CNTN4: variants seen among roughly 807,000 people sequenced by gnomAD.
The protein encoded by CNTN4 is contactin 4, also known as contactin-4.
In CNTN4, 77 loss-of-function variants were observed where a neutral mutation model predicts 122.5. The observed-to-expected ratio is 0.63, with a 90% CI of 0.52 to 0.76. CNTN4 has a LOEUF of 0.76. CNTN4 is among the 30% of genes least tolerant of loss of function. The pLI is 0.00. For missense variants in CNTN4, 1,256 were observed against 1,259.1 expected, an observed-to-expected ratio of 1.00 and a Z score of 0.04; for synonymous variants, 512 against 447.0, an observed-to-expected ratio of 1.15 and a Z score of -1.83.
At chr3:2,515,197 T>C (rs2077005687) in intron 3 of CNTN4, among the ~76,000 whole-genome samples, 1 of 152,334 alleles carries the variant, frequency 6.6e-6, no homozygotes, top group Middle Eastern at 3.4e-3. Context: ...TAGGCATGTA[T>C]GTGCAGCAGG....
At chr3:3,035,273 A>C (rs1196125890) in intron 17 of CNTN4, among the ~76,000 whole-genome samples, 1 of 144,864 alleles carries the variant, frequency 6.9e-6, no homozygotes, top group Non-Finnish European at 1.5e-5. Flanking sequence ...ACACCACTGA[A>C]CTCCAGCCTG....
chr3:2,698,249 T>A (rs964515865), intron 4 of CNTN4, among the ~76,000 whole-genome samples: 1 of 152,224 alleles, frequency 6.6e-6, no homozygotes, highest in Non-Finnish European at 1.5e-5. Context: ...CTTTTATGGC[T>A]ATGAGAAAAT....
At chr3:2,215,272 C>A (rs2038789609) in intron 2 of CNTN4, among the ~76,000 whole-genome samples, 1 of 152,126 alleles carries the variant, frequency 6.6e-6, no homozygotes, top group South Asian at 2.1e-4. Flanking sequence ...GGCTGCTGGC[C>A]TGCTTCCCCC....
rs188128026 is a variant in CNTN4, at chr3:2,275,325, A to G, written c.-144-63853A>G. ...ATGACCAAATTCCAATACCACATGG[A>G]GAATACGTGATTTATGTGCTAATTG... On this transcript the variant is annotated intron_variant, in intron 2 of 24. Transcript: ENST00000418658. 1.6e-4 allele frequency among the ~76,000 whole-genome samples: 25 copies of G among 152,290 alleles called. No individual in the cohort carries two copies. The East Asian group carries it at 3.3e-3, about 20-fold the overall frequency.
intron 6 of CNTN4, among the ~76,000 whole-genome samples, chr3:2,770,518 A>G (rs1454879632): frequency 6.6e-6 from 1 of 152,238 alleles, no homozygotes; most frequent in Non-Finnish European, 1.5e-5. Context: ...GCTCTACCAA[A>G]GAAAAGGTAT....
At chr3:2,721,794 A>G (rs2087871652) in intron 4 of CNTN4, among the ~76,000 whole-genome samples, 2 of 152,138 alleles carry the variant, frequency 1.3e-5, no homozygotes, top group Admixed American at 6.5e-5. Flanking sequence ...TCTATTTGCT[A>G]TGGTCTGAAA....
intron 2 of CNTN4, among the ~76,000 whole-genome samples, chr3:2,216,792 C>T (rs927246976): frequency 1.3e-5 from 2 of 152,056 alleles, no homozygotes; most frequent in Admixed American, 1.3e-4. Flanking sequence ...TCTGCATACC[C>T]CTCCTCACTC....
chr3:2,370,694 T>C (rs1410337596), intron 3 of CNTN4, among the ~76,000 whole-genome samples: 1 of 152,242 alleles, frequency 6.6e-6, no homozygotes, highest in East Asian at 1.9e-4. Context: ...ATATTTTGTG[T>C]AAGTGAATGT....
chr3:2,562,589 C>T (rs561117993), intron 3 of CNTN4, among the ~76,000 whole-genome samples: 5 of 152,240 alleles, frequency 3.3e-5, no homozygotes, highest in East Asian at 1.9e-4. Context: ...CATAGTATTC[C>T]GTGGTGTGTA....
intron 2 of CNTN4, among the ~76,000 whole-genome samples, chr3:2,210,085 G>T (rs535704036): frequency 7.9e-5 from 12 of 152,194 alleles, no homozygotes; most frequent in Admixed American, 7.2e-4. Flanking sequence ...TGTAAGATAT[G>T]TATGTCCCTG....
At chr3:2,230,481 A>AG (rs2039443318) in intron 2 of CNTN4, among the ~76,000 whole-genome samples, 1 of 152,134 alleles carries the variant, frequency 6.6e-6, no homozygotes, top group Non-Finnish European at 1.5e-5. Context: ...TCAATTTGAG[A>AG]GGGGAAAATT....
chr3:2,850,761 G>A (rs1193119683), intron 7 of CNTN4, among the ~76,000 whole-genome samples: 2 of 152,174 alleles, frequency 1.3e-5, no homozygotes, highest in Admixed American at 6.5e-5. Context: ...AAATAGATTT[G>A]TGTATTTTTC....
At chr3:2,939,391 A>G (rs1175202982) in intron 13 of CNTN4, among the ~76,000 whole-genome samples, 1 of 152,058 alleles carries the variant, frequency 6.6e-6, no homozygotes, top group Non-Finnish European at 1.5e-5. Context: ...GGGTATGGGC[A>G]TGGGTGTTAA....
intron 2 of CNTN4, among the ~76,000 whole-genome samples, chr3:2,102,966 A>G (rs1312526883): frequency 2.0e-5 from 3 of 151,904 alleles, no homozygotes; most frequent in East Asian, 1.9e-4. Context: ...TACAATAAAT[A>G]ATAATAGAAG....
chr3:2,987,921 C>T (rs1392565136), intron 13 of CNTN4, among the ~76,000 whole-genome samples: 1 of 152,032 alleles, frequency 6.6e-6, no homozygotes, highest in Non-Finnish European at 1.5e-5. Context: ...TTAAGGCTCT[C>T]ATTTAGAAAA....
intron 2 of CNTN4, among the ~76,000 whole-genome samples, chr3:2,307,217 C>T (rs971156447): frequency 6.6e-6 from 1 of 152,174 alleles, no homozygotes; most frequent in Non-Finnish European, 1.5e-5. Context: ...GGGCAGACCA[C>T]AAGGTCAGGA....
At chr3:2,258,287 T>C (rs1013554331) in intron 2 of CNTN4, among the ~76,000 whole-genome samples, 1 of 152,188 alleles carries the variant, frequency 6.6e-6, no homozygotes, top group African/African-American at 2.4e-5. Context: ...TAAAGACACA[T>C]GCACATGTAT....
At chr3:2,495,159 A>G (rs2151699393) in intron 3 of CNTN4, among the ~76,000 whole-genome samples, 1 of 152,344 alleles carries the variant, frequency 6.6e-6, no homozygotes, top group Admixed American at 6.5e-5. Context: ...AATATTTAAT[A>G]GCAATCTCTG....
Position 2,900,708 on chromosome 3 carries a change from AT to A in CNTN4, c.965del (p.Ile322LysfsTer29), listed in dbSNP as rs747882814. 2 of 1,613,862 alleles carry A rather than the reference AT, an allele frequency of 1.2e-6. No individual in the cohort carries two copies. Among genetic ancestry groups the A allele is most frequent in the Non-Finnish European group, 1.7e-6 (2 of 1,179,746 alleles). On this transcript the variant is annotated frameshift_variant, in exon 11 of 25. Coordinates refer to ENST00000418658, the MANE Select transcript of CNTN4 (RefSeq NM_175607.3). LOFTEE classifies it high-confidence loss of function. ...AGCTCAACCTAATTGGATTCAAAAAATAAATGATATTCACGTGGCCATGGAA... is the reference window on the plus strand; with the variant it reads ...AGCTCAACCTAATTGGATTCAAAAAAAAATGATATTCACGTGGCCATGGAA... ...FYAQPNWIQK[I>X]NDIHVAMEEN...
Sources: allele counts gnomAD v4.1 joint callset (sites outside exome capture counted in the v4.1 genomes callset), GRCh38; gene constraint gnomAD v4.1.1; transcripts MANE v1.5; gene names NCBI Gene and HGNC (gene_info 2026-07-23, HGNC 2026-07-21).